Variants in QTMAN observed in about 807,000 individuals in gnomAD.
QTMAN encodes queuosine-tRNA mannosyltransferase.
the QTMAN span, among the ~76,000 whole-genome samples, chr2:144,268,434 A>T: frequency 1.3e-5 from 2 of 152,186 alleles, no homozygotes; most frequent in African/African-American, 4.8e-5. Flanking sequence ...GCCCTCATGA[A>T]TGGGGCTAGT....
At chr2:144,120,590 A>G in the QTMAN span, among the ~76,000 whole-genome samples, 1 of 152,200 alleles carries the variant, frequency 6.6e-6, no homozygotes, top group Non-Finnish European at 1.5e-5. Flanking sequence ...AATCTTCTCA[A>G]AAAGCACACA....
At chr2:144,086,755 A>T in the QTMAN span, among the ~76,000 whole-genome samples, 2 of 152,214 alleles carry the variant, frequency 1.3e-5, no homozygotes, top group Non-Finnish European at 2.9e-5. Context: ...AGATTATCAA[A>T]CATCAAGATA....
the QTMAN span, among the ~76,000 whole-genome samples, chr2:144,264,975 T>C: frequency 8.5e-5 from 13 of 152,204 alleles, no homozygotes; most frequent in African/African-American, 2.2e-4. Flanking sequence ...TATTAATAAC[T>C]TGGCTTCCCA....
chr2:144,259,567 A>G, the QTMAN span, among the ~76,000 whole-genome samples: 1 of 152,214 alleles, frequency 6.6e-6, no homozygotes, highest in African/African-American at 2.4e-5. Context: ...GCGACCAAGC[A>G]TTCTGGGGTT....
chr2:143,973,517 G>A, the QTMAN span, among the ~76,000 whole-genome samples: 3 of 152,038 alleles, frequency 2.0e-5, no homozygotes, highest in East Asian at 1.9e-4. Flanking sequence ...TTGGCCGGGC[G>A]CGGTGGCTCA....
At chr2:144,196,253 TATATATA>T in the QTMAN span, among the ~76,000 whole-genome samples, 1 of 151,420 alleles carries the variant, frequency 6.6e-6, no homozygotes, top group African/African-American at 2.4e-5. Context: ...ACACGAAATA[TATATATA>T]ATATATGCTT....
chr2:144,267,884 T>A, the QTMAN span, among the ~76,000 whole-genome samples: 1 of 152,210 alleles, frequency 6.6e-6, no homozygotes, highest in East Asian at 1.9e-4. Flanking sequence ...TGTAGTGCTA[T>A]GGACTGAGTG....
At chr2:144,104,498 C>G in the QTMAN span, among the ~76,000 whole-genome samples, 2 of 152,112 alleles carry the variant, frequency 1.3e-5, no homozygotes, top group African/African-American at 2.4e-5. Flanking sequence ...GCTCACGGAG[C>G]CTTGCTCATT....
At chr2:144,118,081 T>C in the QTMAN span, among the ~76,000 whole-genome samples, 2 of 152,000 alleles carry the variant, frequency 1.3e-5, no homozygotes. Context: ...CTCCTGACCT[T>C]GTGATCTGCC....
chr2:144,137,041 T>C, the QTMAN span, among the ~76,000 whole-genome samples: 16 of 152,112 alleles, frequency 1.1e-4, no homozygotes, highest in South Asian at 3.3e-3. Flanking sequence ...TAATAACATG[T>C]CTCCTGGTCA....
the QTMAN span, among the ~76,000 whole-genome samples, chr2:144,324,075 A>C: frequency 6.6e-6 from 1 of 152,206 alleles, no homozygotes; most frequent in South Asian, 2.1e-4. Context: ...TTTACAGACT[A>C]AAACTTTGAA....
At chr2:144,005,064 G>A in the QTMAN span, among the ~76,000 whole-genome samples, 1 of 151,914 alleles carries the variant, frequency 6.6e-6, no homozygotes, top group Non-Finnish European at 1.5e-5. Context: ...GCTATCAGAC[G>A]CGGGCCAGAG....
At chr2:144,085,485 A>C in the QTMAN span, among the ~76,000 whole-genome samples, 4 of 152,316 alleles carry the variant, frequency 2.6e-5, no homozygotes, top group African/African-American at 7.2e-5. Flanking sequence ...TTTGACCTTC[A>C]AGGCTTAGCT....
chr2:143,977,308 G>C, the QTMAN span, among the ~76,000 whole-genome samples: 3 of 152,178 alleles, frequency 2.0e-5, no homozygotes, highest in South Asian at 6.2e-4. Flanking sequence ...CCTTCAAACA[G>C]GTACAAATAA....
At chr2:144,143,625 T>C in the QTMAN span, among the ~76,000 whole-genome samples, 1 of 151,894 alleles carries the variant, frequency 6.6e-6, no homozygotes, top group Admixed American at 6.6e-5. Context: ...TACAAAGGAA[T>C]GTCACAGAAG....
At chr2:144,140,615 G>A in the QTMAN span, among the ~76,000 whole-genome samples, 2 of 151,954 alleles carry the variant, frequency 1.3e-5, no homozygotes, top group African/African-American at 4.8e-5. Context: ...AAATTGCTTT[G>A]TGATCGTGGC....
chr2:144,102,269 T>C, the QTMAN span, among the ~76,000 whole-genome samples: 1 of 152,192 alleles, frequency 6.6e-6, no homozygotes, highest in Admixed American at 6.5e-5. Context: ...TACCTACCCA[T>C]CTTCGTTGTA....
At chr2:144,193,627 C>G in the QTMAN span, among the ~76,000 whole-genome samples, 1,449 of 151,788 alleles carry the variant, frequency 9.5e-3, 21 homozygotes, top group African/African-American at 0.033. Flanking sequence ...CTCAAGTGAT[C>G]GTCCCACCAC....
the QTMAN span, among the ~76,000 whole-genome samples, chr2:143,982,861 A>G: frequency 1.3e-5 from 2 of 150,668 alleles, no homozygotes; most frequent in Non-Finnish European, 3.0e-5. Context: ...CTCAAAAAAA[A>G]AAAAAAAAAA....
Sources: allele counts gnomAD v4.1 joint callset (sites outside exome capture counted in the v4.1 genomes callset), GRCh38; gene constraint gnomAD v4.1.1; transcripts MANE v1.5; gene names NCBI Gene and HGNC (gene_info 2026-07-23, HGNC 2026-07-21).